The following TRPM8 variants were observed in gnomAD, a reference collection of about 807,000 sequenced individuals.
TRPM8 encodes transient receptor potential cation channel subfamily M member 8, also known as TRPM8 cationic channel.
In TRPM8, 110 loss-of-function variants were observed where a neutral mutation model predicts 133.7. That is an observed-to-expected ratio of 0.82 (90% CI 0.70 to 0.96). TRPM8 has a LOEUF of 0.96. Among genes scored for constraint, TRPM8 ranks in the 40% least tolerant of loss-of-function variants. The probability of loss-of-function intolerance (pLI) is 0.00; values close to 1 mark genes in which losing one functional copy is unlikely to be tolerated. For synonymous variants in TRPM8, 535 were observed against 532.3 expected, an observed-to-expected ratio of 1.01 and a Z score of -0.07; for missense variants, 1,291 against 1,379.5, an observed-to-expected ratio of 0.94 and a Z score of 1.02.
At chr2:233,958,802 G>A (rs1389770594) in intron 11 of TRPM8, among the ~76,000 whole-genome samples, 3 of 152,110 alleles carry the variant, frequency 2.0e-5, no homozygotes, top group African/African-American at 4.8e-5. Context: ...ACCAACATTA[G>A]GCAGGAACAA....
rs1692223289 is a variant in TRPM8, at chr2:233,989,478, A to G, written c.2939+3613A>G. On this transcript the variant is annotated intron_variant, in intron 21 of 25. Transcript: ENST00000324695. The surrounding 1 kb of genome is among the most constrained non-coding windows in gnomAD (Gnocchi z 4.2). Reference sequence around the variant, plus strand: ...AACCAGAGGCCTTTTCCTGGCTAATACCTGTCTGGGGACACCAGAACAGCG... The same window carrying G: ...AACCAGAGGCCTTTTCCTGGCTAATGCCTGTCTGGGGACACCAGAACAGCG... 6.6e-6 allele frequency among the ~76,000 whole-genome samples: 1 copy of G among 152,134 alleles called. No individual in the cohort carries two copies. The highest frequency in any genetic ancestry group is 2.1e-4 in the South Asian group (1 of 4,822).
At chr2:233,985,594 A>T in intron 20 of TRPM8, 94 bp from the exon 21 acceptor site, 3 of 1,247,900 alleles carry the variant, frequency 2.4e-6, no homozygotes, top group Non-Finnish European at 3.4e-6. Context: ...AAGACATTTC[A>T]TGACCACTGA....
Position 233,991,525 on chromosome 2 carries a change from C to T in TRPM8, c.2940-4801C>T, listed in dbSNP as rs73996643. 6.0e-3 allele frequency among the ~76,000 whole-genome samples: 909 copies of T among 152,242 alleles called. 11 individuals are homozygous for T. Among genetic ancestry groups the T allele is most frequent in the African/African-American group, 0.021 (867 of 41,520 alleles). On this transcript the variant is annotated intron_variant, in intron 21 of 25. Transcript: ENST00000324695. ...TACTGCCTGTGTGCTGGGGAAGGAG[C>T]GACAAAGGAAAATCCATGAAATCTA...
chr2:233,940,622 G>T (rs1690882352), intron 5 of TRPM8, among the ~76,000 whole-genome samples: 1 of 152,178 alleles, frequency 6.6e-6, no homozygotes, highest in African/African-American at 2.4e-5. Flanking sequence ...GTTGCTAGTT[G>T]TCCACTTGGA....
At chr2:234,008,297 C>T (rs538316067) in intron 24 of TRPM8, among the ~76,000 whole-genome samples, 194 bp downstream of exon 24, 14 of 152,292 alleles carry the variant, frequency 9.2e-5, no homozygotes, top group African/African-American at 3.4e-4. Flanking sequence ...GTCTTGAAGT[C>T]CCACTTCCAT....
At chr2:233,985,536 T>G in intron 20 of TRPM8, 152 bp from the exon 21 acceptor site, 1 of 659,530 alleles carries the variant, frequency 1.5e-6, no homozygotes, top group South Asian at 1.9e-5. Flanking sequence ...GAACAGGTGA[T>G]TCTAAGGACT....
At chr2:233,979,190 A>T (rs913660932) in intron 17 of TRPM8, among the ~76,000 whole-genome samples, 1 of 152,148 alleles carries the variant, frequency 6.6e-6, no homozygotes, top group Non-Finnish European at 1.5e-5. Flanking sequence ...CATTTCTTTG[A>T]TGTTATTTCC....
chr2:233,987,947 G>A (rs10929328), intron 21 of TRPM8, among the ~76,000 whole-genome samples: 9,659 of 151,094 alleles, frequency 0.064, 366 homozygotes, highest in East Asian at 0.1. Context: ...CCCCAGCCAC[G>A]TGGAACTGTG....
At chr2:233,968,484 G>A (rs956536368) in intron 15 of TRPM8, among the ~76,000 whole-genome samples, 9 of 152,164 alleles carry the variant, frequency 5.9e-5, no homozygotes, top group Admixed American at 3.9e-4. Flanking sequence ...ACTGCAATTG[G>A]TTGTTTGTGG....
intron 22 of TRPM8, among the ~76,000 whole-genome samples, chr2:233,998,859 G>A (rs1379313943): frequency 6.6e-6 from 1 of 152,146 alleles, no homozygotes; most frequent in African/African-American, 2.4e-5. Flanking sequence ...TTGTAACATG[G>A]GCATTTTTGC....
At chr2:233,990,177 G>T (rs1034587006) in intron 21 of TRPM8, among the ~76,000 whole-genome samples, 2 of 152,230 alleles carry the variant, frequency 1.3e-5, no homozygotes, top group African/African-American at 4.8e-5. Flanking sequence ...GCTTTCCCAT[G>T]CTGGGCACAG....
intron 2 of TRPM8, among the ~76,000 whole-genome samples, chr2:233,927,797 TTCCTTCC>T (rs1691571002): frequency 1.6e-4 from 3 of 18,316 alleles, no homozygotes; most frequent in Non-Finnish European, 2.6e-4. Context: ...TTTCTTTTCT[TTCCTTCC>T]TTCCTTCCTT....
Position 234,018,845 on chromosome 2 carries a change from A to AAAAAAAATAAAT in TRPM8, c.*1592_*1593insAAAATAAATAAA, listed in dbSNP as rs71400709. ...GGGTGACAGAGTGAGACTCCGACTG[A>AAAAAAAATAAAT]AAATAAATAAATAAATAAATAAATA... On this transcript the variant is annotated 3_prime_UTR_variant, in exon 26 of 26. Transcript: ENST00000324695. 6 of 141,830 alleles carry AAAAAAAATAAAT rather than the reference A, an allele frequency of 4.2e-5. No individual in the cohort carries two copies. The highest frequency in any genetic ancestry group is 7.6e-5 in the Non-Finnish European group (5 of 66,010). The allele number at this position is 141,830 out of a possible 1,614,324, so 8.8% of individuals were successfully genotyped here.
Position 233,947,481 on chromosome 2 carries a change from A to G in TRPM8, c.942+326A>G. The G allele has an allele frequency of 3.0e-6, 4 of 1,337,784 alleles. 1 individual carries two copies. Among genetic ancestry groups the G allele is most frequent in the South Asian group, 2.5e-5 (2 of 81,296 alleles). The allele number at this position is 1,337,784 out of a possible 1,614,324, so 82.9% of individuals were successfully genotyped here. ...TATATTAGAAAGCTATGGCCAACCT[A>G]TCTGCATTGAGATGAGCTGTGATCA... On this transcript the variant is annotated intron_variant, in intron 8 of 25. Coordinates refer to ENST00000324695, the MANE Select transcript of TRPM8 (RefSeq NM_024080.5).
intron 22 of TRPM8, among the ~76,000 whole-genome samples, chr2:234,003,572 G>A (rs930775713): frequency 6.6e-6 from 1 of 152,160 alleles, no homozygotes; most frequent in Non-Finnish European, 1.5e-5. Context: ...GCCATGTCAC[G>A]GCTGGTGGCT....
intron 12 of TRPM8, among the ~76,000 whole-genome samples, chr2:233,961,523 C>T (rs376899349): frequency 7.2e-5 from 11 of 152,050 alleles, no homozygotes; most frequent in African/African-American, 2.4e-4. Context: ...CCAGGCTGGT[C>T]TCAAACTCCT....
chr2:233,931,077 T>C (rs145890067), intron 3 of TRPM8, among the ~76,000 whole-genome samples: 50 of 152,250 alleles, frequency 3.3e-4, no homozygotes, highest in African/African-American at 1.2e-3. Context: ...ATACCATGCA[T>C]GTGTACATAT....
At chr2:233,940,277 G>C (rs1208541181) in intron 5 of TRPM8, among the ~76,000 whole-genome samples, 1 of 145,022 alleles carries the variant, frequency 6.9e-6, no homozygotes, top group Non-Finnish European at 1.5e-5. Flanking sequence ...TCGTAATCTA[G>C]ACATGGGTTT....
chr2:233,928,988 GTTTC>G lies in TRPM8; in HGVS notation c.118-1676_118-1673del, dbSNP rs1691626572. Among the ~76,000 whole-genome samples the G allele has an allele frequency of 4.2e-5, 6 of 141,790 alleles. No individual in the cohort carries two copies. In the South Asian group the frequency reaches 1.3e-3, roughly 32 times the overall value. 93.0% of individuals were successfully genotyped at this position (141,790 alleles called of 152,430 possible). On this transcript the variant is annotated intron_variant, in intron 2 of 25. Transcript: ENST00000324695. ...TTGTACTATGAGTATTTTTTTGTGAGTTTCTTTTCTTTTTTTTTTTATTTTTTTG... is the reference window on the plus strand; with the variant it reads ...TTGTACTATGAGTATTTTTTTGTGAGTTTTCTTTTTTTTTTTATTTTTTTG...
Sources: allele counts gnomAD v4.1 joint callset (sites outside exome capture counted in the v4.1 genomes callset), GRCh38; gene constraint gnomAD v4.1.1; non-coding constraint Gnocchi (gnomAD v3.1); transcripts MANE v1.5; gene names NCBI Gene and HGNC (gene_info 2026-07-23, HGNC 2026-07-21).